SMIM12: variants seen among roughly 807,000 people sequenced by gnomAD.
SMIM12 encodes small integral membrane protein 12.
SMIM12 carries 5 observed loss-of-function variants against 6.3 expected under a neutral mutation model. The observed-to-expected ratio is 0.80, with a 90% CI of 0.42 to 1.68. The LOEUF is 1.68. SMIM12 is among the 40% of genes most tolerant of loss of function. The pLI is 0.02. For missense variants in SMIM12, 103 were observed against 121.4 expected, an observed-to-expected ratio of 0.85 and a Z score of 0.71; for synonymous variants, 51 against 48.0, an observed-to-expected ratio of 1.06 and a Z score of -0.26.
chr1:34,856,163 C>G (rs1415410113), intron 1 of SMIM12, among the ~76,000 whole-genome samples, 181 bp from the exon 2 acceptor site: 1 of 151,798 alleles, frequency 6.6e-6, no homozygotes, highest in Non-Finnish European at 1.5e-5. Flanking sequence ...TCACCGCACC[C>G]TCCACCTCCC....
At position 34,855,163 on chromosome 1, in the gene SMIM12, C is replaced by G. The variant is rs1303035695; in HGVS notation, c.*536G>C. The G allele has an allele frequency of 2.2e-6, 3 of 1,363,720 alleles. No individual in the cohort carries two copies. Among genetic ancestry groups the G allele is most frequent in the African/African-American group, 3.0e-5 (2 of 67,558 alleles). The allele number at this position is 1,363,720 out of a possible 1,614,324, so 84.5% of individuals were successfully genotyped here. A position where few individuals can be genotyped will look rare whatever the true frequency, so the allele number is the denominator to read the frequency against. On this transcript the variant is annotated 3_prime_UTR_variant, in exon 2 of 2. Coordinates refer to ENST00000521580, the MANE Select transcript of SMIM12 (RefSeq NM_138428.6). ...ATGTTCGTCCCTGCCCCAAAGTGAA[C>G]AGTCTGGGCTTCCCAGAACAGAAAA...
chr1:34,858,324 C>T (rs1308919701), intron 1 of SMIM12: 4 of 152,058 alleles, frequency 2.6e-5, no homozygotes. Flanking sequence ...GATAGAGCCA[C>T]TGATTTTGAA....
At chr1:34,857,732 C>T (rs1189815482) in intron 1 of SMIM12, 1 of 152,210 alleles carries the variant, frequency 6.6e-6, no homozygotes, top group Middle Eastern at 3.2e-3. Context: ...CTAGACGTAA[C>T]ACTATAAGGC....
At position 34,855,318 on chromosome 1, in the gene SMIM12, G is replaced by A; in HGVS notation, c.*381C>T. On this transcript the variant is annotated 3_prime_UTR_variant, in exon 2 of 2. Transcript: ENST00000521580. ...ATTTGAATTCTTTCCAGTGCAGACT[G>A]GAACTAGACATGCAGGTATCCCTCC... 3 of 1,396,548 alleles carry A rather than the reference G, an allele frequency of 2.1e-6. No individual in the cohort carries two copies. Among genetic ancestry groups the A allele is most frequent in the Middle Eastern group, 2.0e-4 (1 of 4,908 alleles). The allele number at this position is 1,396,548 out of a possible 1,614,324, so 86.5% of individuals were successfully genotyped here.
Position 34,855,948 on chromosome 1 carries a change from A to G in SMIM12, c.30T>C (p.Arg10=). MWPVFWTVV[R]TYAPYVTFPV... ...GGAATGTGACATAAGGAGCATAGGT[A>G]CGAACCACGGTCCAAAACACAGGCC... The change falls in exon 2 of 2, where the codon CGT becomes CGC. Residue 10 remains arginine (R), a synonymous_variant. Transcript: ENST00000521580. 2 of 1,550,148 alleles carry G rather than the reference A, an allele frequency of 1.3e-6. No homozygotes were observed. The highest frequency in any genetic ancestry group is 2.4e-5 in the East Asian group (1 of 40,860).
At position 34,855,341 on chromosome 1, in the gene SMIM12, T is replaced by TC; in HGVS notation, c.*357dup. The TC allele has an allele frequency of 4.2e-6, 6 of 1,418,934 alleles. No individual in the cohort carries two copies. The highest frequency in any genetic ancestry group is 5.7e-6 in the Non-Finnish European group (6 of 1,055,988). 87.9% of individuals were successfully genotyped at this position (1,418,934 alleles called of 1,614,324 possible). On this transcript the variant is annotated 3_prime_UTR_variant, in exon 2 of 2. Transcript: ENST00000521580. Reference sequence around the variant, plus strand: ...CTGGAACTAGACATGCAGGTATCCCTCCTAAAGGCAACGCCCAAATCCCAG... The same window carrying TC: ...CTGGAACTAGACATGCAGGTATCCCTCCCTAAAGGCAACGCCCAAATCCCAG...
rs1448061711 is a variant in SMIM12, at chr1:34,853,574, C to T, written c.*2125G>A. On this transcript the variant is annotated 3_prime_UTR_variant, in exon 2 of 2. Coordinates refer to ENST00000521580, the MANE Select transcript of SMIM12 (RefSeq NM_138428.6). Reference sequence around the variant, plus strand: ...CAGGAAAAGCTTCATATAAGATATTCGTTGCAGTATCTAAACGAGTGACCA... The same window carrying T: ...CAGGAAAAGCTTCATATAAGATATTTGTTGCAGTATCTAAACGAGTGACCA... 3 of 152,198 alleles carry T rather than the reference C, an allele frequency of 2.0e-5. No homozygotes were observed. The highest frequency in any genetic ancestry group is 1.9e-4 in the East Asian group (1 of 5,200). The allele number at this position is 152,198 out of a possible 1,614,324, so 9.4% of individuals were successfully genotyped here.
At position 34,852,463 on chromosome 1, in the gene SMIM12, CAAAAAAAAAA is replaced by C. The variant is rs34535449; in HGVS notation, c.*3226_*3235del. ...TATTTGTAACAAGTTGTTAGATCGC[CAAAAAAAAAA>C]AAAAAAAAAAAACCATAATTATAGG... On this transcript the variant is annotated 3_prime_UTR_variant, in exon 2 of 2. Coordinates refer to ENST00000521580, the MANE Select transcript of SMIM12 (RefSeq NM_138428.6). Among the ~76,000 whole-genome samples, 2,444 of 81,836 alleles carry C rather than the reference CAAAAAAAAAA, an allele frequency of 0.03. 76 individuals carry two copies. Among genetic ancestry groups the C allele is most frequent in the African/African-American group, 0.096 (2,276 of 23,762 alleles). The allele number at this position is 81,836 out of a possible 152,430, so 53.7% of individuals were successfully genotyped here. A position where few individuals can be genotyped will look rare whatever the true frequency, so the allele number is the denominator to read the frequency against.
Position 34,855,601 on chromosome 1 carries a change from G to A in SMIM12, c.*98C>T, listed in dbSNP as rs1290782952. 1 of 1,613,426 alleles carries A rather than the reference G, an allele frequency of 6.2e-7. No individual in the cohort carries two copies. Among genetic ancestry groups the A allele is most frequent in the Non-Finnish European group, 8.5e-7 (1 of 1,180,000 alleles). The stretch of plus-strand genomic sequence containing the variant: ...TGTGGTGTGGGAAGGGCCAGAATAA[G>A]CAACAAAGCCAATTAGATGTGGGTT... On this transcript the variant is annotated 3_prime_UTR_variant, in exon 2 of 2. Transcript: ENST00000521580.
At chr1:34,857,268 G>A (rs1245446724) in intron 1 of SMIM12, 2 of 151,854 alleles carry the variant, frequency 1.3e-5, no homozygotes, top group African/African-American at 4.8e-5. Context: ...GGTGGGGCGG[G>A]GAGCGGAGTG....
In SMIM12 at chr1:34,854,989, T is replaced by C; in HGVS notation, c.*710A>G. ...TTATCCTGCTCTAAAATGCCTGTACTTGCCTAACTCCTAAGAAGACCCCCA... is the reference window on the plus strand; with the variant it reads ...TTATCCTGCTCTAAAATGCCTGTACCTGCCTAACTCCTAAGAAGACCCCCA... On this transcript the variant is annotated 3_prime_UTR_variant, in exon 2 of 2. Coordinates refer to ENST00000521580, the MANE Select transcript of SMIM12 (RefSeq NM_138428.6). 8.7e-6 allele frequency: 10 copies of C among 1,153,782 alleles called. No individual in the cohort carries two copies. In the South Asian group the frequency reaches 1.3e-4, roughly 15 times the overall value. 71.5% of individuals were successfully genotyped at this position (1,153,782 alleles called of 1,614,324 possible). A position where few individuals can be genotyped will look rare whatever the true frequency, so the allele number is the denominator to read the frequency against.
rs59019541 is a variant in SMIM12, at chr1:34,852,751, G to A, written c.*2948C>T. 4.6e-5 allele frequency: 7 copies of A among 152,360 alleles called. No individual in the cohort carries two copies. Among genetic ancestry groups the A allele is most frequent in the Non-Finnish European group, 1.0e-4 (7 of 68,018 alleles). The allele number at this position is 152,360 out of a possible 1,614,324, so 9.4% of individuals were successfully genotyped here. On this transcript the variant is annotated 3_prime_UTR_variant, in exon 2 of 2. Coordinates refer to ENST00000521580, the MANE Select transcript of SMIM12 (RefSeq NM_138428.6). ...ATCTGGTACCACTGGATGAGCAGCA[G>A]ATTGGAAGGTGAGTCACCACTGCCC...
chr1:34,852,054 C>T lies in SMIM12; in HGVS notation c.*3645G>A, dbSNP rs143486771. On this transcript the variant is annotated 3_prime_UTR_variant, in exon 2 of 2. Transcript: ENST00000521580. ...AGCACATATACTATCTTACAGCCAC[C>T]GCAACGGCTGATTTCAGCCAGCCTG... 8.9e-4 allele frequency among the ~76,000 whole-genome samples: 135 copies of T among 152,284 alleles called. 1 individual carries two copies. In the East Asian group the frequency reaches 0.021, roughly 23 times the overall value.
At chr1:34,859,099 G>C (rs199780823) in intron 1 of SMIM12, 1 of 152,214 alleles carries the variant, frequency 6.6e-6, no homozygotes, top group East Asian at 1.9e-4. Context: ...CTCCATCATA[G>C]TCGTCCCCAG....
rs772919378 is a variant in SMIM12, at chr1:34,854,901, G to C, written c.*798C>G. ...GTTCCTGGGAATCTGTGCCTCCAGG[G>C]TTCAGTGCAACCGCACTAGTAAAGC... On this transcript the variant is annotated 3_prime_UTR_variant, in exon 2 of 2. Coordinates refer to ENST00000521580, the MANE Select transcript of SMIM12 (RefSeq NM_138428.6). 22 of 335,430 alleles carry C rather than the reference G, an allele frequency of 6.6e-5. No homozygotes were observed. Among genetic ancestry groups the C allele is most frequent in the Non-Finnish European group, 1.0e-4 (20 of 197,956 alleles). 20.8% of individuals were successfully genotyped at this position (335,430 alleles called of 1,614,324 possible).
At position 34,851,168 on chromosome 1, in the gene SMIM12, AT is replaced by A. The variant is rs1640920822; in HGVS notation, c.*4530del. On this transcript the variant is annotated 3_prime_UTR_variant, in exon 2 of 2. Transcript: ENST00000521580. ...GGTTGTTGTGAGGATGAGGTAATGT[AT>A]GTAAAGTTTTAGCACAGTCTGTGAC... 6.6e-6 allele frequency: 1 copy of A among 152,138 alleles called. No homozygotes were observed. The highest frequency in any genetic ancestry group is 1.5e-5 in the Non-Finnish European group (1 of 68,030). 9.4% of individuals were successfully genotyped at this position (152,138 alleles called of 1,614,324 possible).
chr1:34,856,354 C>T (rs1638653419), intron 1 of SMIM12, among the ~76,000 whole-genome samples: 1 of 152,218 alleles, frequency 6.6e-6, no homozygotes, highest in African/African-American at 2.4e-5. Context: ...GCCACCACAC[C>T]TGGCCAGCCT....
chr1:34,855,215 T>C lies in SMIM12; in HGVS notation c.*484A>G, dbSNP rs757102701. On this transcript the variant is annotated 3_prime_UTR_variant, in exon 2 of 2. Coordinates refer to ENST00000521580, the MANE Select transcript of SMIM12 (RefSeq NM_138428.6). Reference sequence around the variant, plus strand: ...TGCTTTCCTTCCTGGGGGAATCCCATTCCTGAGCTGACAAGACAGATTTCA... The same window carrying C: ...TGCTTTCCTTCCTGGGGGAATCCCACTCCTGAGCTGACAAGACAGATTTCA... 1.5e-6 allele frequency: 2 copies of C among 1,368,652 alleles called. No homozygotes were observed. The highest frequency in any genetic ancestry group is 1.1e-5 in the South Asian group (1 of 88,056). The allele number at this position is 1,368,652 out of a possible 1,614,324, so 84.8% of individuals were successfully genotyped here. A position where few individuals can be genotyped will look rare whatever the true frequency, so the allele number is the denominator to read the frequency against.
intron 1 of SMIM12, chr1:34,857,046 A>G (rs1638675357): frequency 6.6e-6 from 1 of 152,046 alleles, no homozygotes; most frequent in Non-Finnish European, 1.5e-5. Flanking sequence ...GTGAGCTAAG[A>G]TCAAGCCACT....
Sources: allele counts gnomAD v4.1 joint callset (sites outside exome capture counted in the v4.1 genomes callset), GRCh38; gene constraint gnomAD v4.1.1; transcripts MANE v1.5; gene names NCBI Gene and HGNC (gene_info 2026-07-23, HGNC 2026-07-21).